Variants in SEPTIN14 observed in about 807,000 individuals in gnomAD.
SEPTIN14 encodes septin 14, also known as septin-14.
A neutral mutation model predicts 53.6 loss-of-function variants in SEPTIN14; 40 were observed. That is an observed-to-expected ratio of 0.75 (90% CI 0.58 to 0.97). The LOEUF (loss-of-function observed/expected upper bound fraction) is 0.97, where lower values mean the gene tolerates loss of function less well. SEPTIN14 is among the 50% of genes least tolerant of loss of function. SEPTIN14 has a pLI of 0.00. For missense variants in SEPTIN14, 471 were observed against 508.2 expected, an observed-to-expected ratio of 0.93 and a Z score of 0.70; for synonymous variants, 138 against 166.8, an observed-to-expected ratio of 0.83 and a Z score of 1.33.
intron 6 of SEPTIN14, among the ~76,000 whole-genome samples, chr7:55,820,151 C>T (rs1203629425): frequency 6.6e-6 from 1 of 152,124 alleles, no homozygotes; most frequent in Non-Finnish European, 1.5e-5. Context: ...AGGTGCCTGC[C>T]ACCATGCCTG....
chr7:55,834,373 T>C (rs1000468260), intron 6 of SEPTIN14, 52 bp downstream of exon 6: 79 of 1,390,442 alleles, frequency 5.7e-5, no homozygotes, highest in Admixed American at 1.5e-4. Flanking sequence ...CACTGGATTC[T>C]GGATAAACAC....
chr7:55,828,344 G>A (rs568234160), intron 6 of SEPTIN14, among the ~76,000 whole-genome samples: 53 of 137,394 alleles, frequency 3.9e-4, no homozygotes, highest in South Asian at 1.4e-3. Flanking sequence ...TTGCTCTGTC[G>A]CCCAGGCTGC....
chr7:55,855,459 A>G (rs1243761141), intron 2 of SEPTIN14, among the ~76,000 whole-genome samples: 2 of 152,246 alleles, frequency 1.3e-5, no homozygotes, highest in Non-Finnish European at 2.9e-5. Flanking sequence ...CAGTGAGAAG[A>G]GTTCTAAAGC....
At chr7:55,858,579 C>T (rs568478944) in intron 2 of SEPTIN14, among the ~76,000 whole-genome samples, 24 of 152,180 alleles carry the variant, frequency 1.6e-4, no homozygotes, top group African/African-American at 5.8e-4. Context: ...CAGAGGCGAG[C>T]AGATCACCTG....
chr7:55,841,940 C>T (rs1789320066), intron 5 of SEPTIN14, among the ~76,000 whole-genome samples: 1 of 151,772 alleles, frequency 6.6e-6, no homozygotes, highest in African/African-American at 2.4e-5. Context: ...GAGGCTGAGG[C>T]CAGAGAATCA....
rs1788378725 is a variant in SEPTIN14, at chr7:55,793,693, T to A, written c.*2220A>T. Reference sequence around the variant, plus strand: ...AGAGTAGACCTATATAGCAGTAGAATTTTGGTATGTGATTGAAGTTAAGTT... The same window carrying A: ...AGAGTAGACCTATATAGCAGTAGAAATTTGGTATGTGATTGAAGTTAAGTT... On this transcript the variant is annotated 3_prime_UTR_variant, in exon 10 of 10. Coordinates refer to ENST00000388975, the MANE Select transcript of SEPTIN14 (RefSeq NM_207366.3). The A allele has an allele frequency of 2.0e-5, 3 of 152,174 alleles. No homozygotes were observed. The highest frequency in any genetic ancestry group is 2.9e-5 in the Non-Finnish European group (2 of 68,026). 9.4% of individuals were successfully genotyped at this position (152,174 alleles called of 1,614,324 possible). A position where few individuals can be genotyped will look rare whatever the true frequency, so the allele number is the denominator to read the frequency against.
At chr7:55,856,664 G>A (rs988313749) in intron 2 of SEPTIN14, among the ~76,000 whole-genome samples, 2 of 151,970 alleles carry the variant, frequency 1.3e-5, no homozygotes, top group South Asian at 2.1e-4. Context: ...AAGTGCTGGG[G>A]TTACAGGCAT....
chr7:55,855,047 C>A (rs1366093916), intron 2 of SEPTIN14, among the ~76,000 whole-genome samples: 3 of 145,860 alleles, frequency 2.1e-5, no homozygotes, highest in African/African-American at 7.6e-5. Context: ...CTCGCTCTTT[C>A]GCCCAGGCCG....
chr7:55,848,884 G>A lies in SEPTIN14; in HGVS notation c.55-2247C>T, dbSNP rs368749546. Among the ~76,000 whole-genome samples the A allele has an allele frequency of 2.8e-3, 424 of 152,110 alleles. 9 individuals carry two copies. In the South Asian group the frequency reaches 0.037, roughly 13 times the overall value. ...GGCCTCCCAAAGTGCTGGGATTACAGGCATGAGCCACCGCGCCTGGCCTAC... is the reference window on the plus strand; with the variant it reads ...GGCCTCCCAAAGTGCTGGGATTACAAGCATGAGCCACCGCGCCTGGCCTAC... On this transcript the variant is annotated intron_variant, in intron 2 of 9. Coordinates refer to ENST00000388975, the MANE Select transcript of SEPTIN14 (RefSeq NM_207366.3).
chr7:55,852,189 C>A (rs1439171195), intron 2 of SEPTIN14, among the ~76,000 whole-genome samples: 1 of 151,202 alleles, frequency 6.6e-6, no homozygotes, highest in East Asian at 1.9e-4. Context: ...AAAAAATAAT[C>A]CTAAAATTTA....
chr7:55,827,972 T>G (rs1789020043), intron 6 of SEPTIN14, among the ~76,000 whole-genome samples: 1 of 151,058 alleles, frequency 6.6e-6, no homozygotes, highest in African/African-American at 2.4e-5. Flanking sequence ...AAATAAGAAG[T>G]GACAACTTTC....
chr7:55,842,022 G>C (rs1160006935), intron 5 of SEPTIN14, among the ~76,000 whole-genome samples: 1 of 151,932 alleles, frequency 6.6e-6, no homozygotes, highest in Admixed American at 6.6e-5. Context: ...GAGACAGTAA[G>C]ACTCCATCTC....
chr7:55,813,810 T>C (rs1788747259), intron 7 of SEPTIN14, among the ~76,000 whole-genome samples: 1 of 152,188 alleles, frequency 6.6e-6, no homozygotes, highest in African/African-American at 2.4e-5. Context: ...AGAAGGGAAC[T>C]TGCTGCACTG....
intron 9 of SEPTIN14, among the ~76,000 whole-genome samples, chr7:55,802,037 T>C (rs1788529144): frequency 6.6e-6 from 1 of 150,830 alleles, no homozygotes; most frequent in Non-Finnish European, 1.5e-5. Context: ...TCTTGCTCTG[T>C]CTCCAAGGCT....
intron 9 of SEPTIN14, among the ~76,000 whole-genome samples, chr7:55,800,519 G>A (rs1376488303): frequency 6.6e-6 from 1 of 152,132 alleles, no homozygotes; most frequent in Non-Finnish European, 1.5e-5. Context: ...AACCACTTGG[G>A]AGGCTGAGGC....
At chr7:55,848,429 T>A (rs1454241702) in intron 2 of SEPTIN14, among the ~76,000 whole-genome samples, 1 of 151,980 alleles carries the variant, frequency 6.6e-6, no homozygotes, top group Admixed American at 6.6e-5. Flanking sequence ...TCCAAAGTGC[T>A]GGGATTACAG....
intron 9 of SEPTIN14, among the ~76,000 whole-genome samples, chr7:55,796,669 C>T (rs1015682110): frequency 3.3e-5 from 5 of 152,064 alleles, no homozygotes; most frequent in Non-Finnish European, 7.4e-5. Flanking sequence ...AAACTCAGCA[C>T]TCTGGGAGGC....
intron 6 of SEPTIN14, among the ~76,000 whole-genome samples, chr7:55,825,873 C>T (rs868303834): frequency 9.2e-5 from 14 of 152,060 alleles, no homozygotes; most frequent in East Asian, 1.9e-4. Context: ...GAGGCCGAGG[C>T]GGGTGGATCA....
At chr7:55,857,748 C>T (rs895342543) in intron 2 of SEPTIN14, among the ~76,000 whole-genome samples, 2 of 151,034 alleles carry the variant, frequency 1.3e-5, no homozygotes, top group African/African-American at 2.4e-5. Flanking sequence ...CCACCACGCC[C>T]GGCTAATTTT....
Sources: gnomAD v4.1 joint callset for allele counts (sites outside exome capture counted in the v4.1 genomes callset) on GRCh38, gnomAD v4.1.1 for gene constraint, MANE v1.5 for transcripts, NCBI Gene and HGNC (gene_info 2026-07-23, HGNC 2026-07-21) for gene names.